Variants in TYW1B observed in about 807,000 individuals in gnomAD.
The protein encoded by TYW1B is tRNA-yW synthesizing protein 1 homolog B.
A neutral mutation model predicts 86.9 loss-of-function variants in TYW1B; 73 were observed. The observed-to-expected ratio is 0.84, with a 90% CI of 0.70 to 1.02. The LOEUF is 1.02. TYW1B is among the 50% of genes least tolerant of loss of function. The pLI is 0.00. For missense variants in TYW1B, 637 were observed against 827.4 expected (o/e 0.77, Z 2.82); for synonymous variants, 248 against 292.8 (o/e 0.85, Z 1.56).
chr7:72,729,055 A>C, intron 8 of TYW1B, 124 bp from the exon 9 acceptor site: 1 of 810,760 alleles, frequency 1.2e-6, no homozygotes, highest in Non-Finnish European at 2.0e-6. Flanking sequence ...CTCAGAGTTC[A>C]ACCACGTATA....
At chr7:72,703,014 A>ATTTTTTTTTTTTTTTT (rs1814516950) in intron 10 of TYW1B, among the ~76,000 whole-genome samples, 1 of 49,006 alleles carries the variant, frequency 2.0e-5, no homozygotes, top group Non-Finnish European at 4.5e-5. Flanking sequence ...ATATATATAT[A>ATTTTTTTTTTTTTTTT]TATATATATA....
At chr7:72,809,265 G>T (rs186719432) in intron 4 of TYW1B, among the ~76,000 whole-genome samples, 4 of 151,728 alleles carry the variant, frequency 2.6e-5, no homozygotes, top group African/African-American at 4.8e-5. Context: ...CGATGATCTC[G>T]ATCTCCTGAC....
At chr7:72,642,555 G>A (rs1812826398) in intron 11 of TYW1B, among the ~76,000 whole-genome samples, 2 of 152,246 alleles carry the variant, frequency 1.3e-5, no homozygotes, top group Non-Finnish European at 1.5e-5. Flanking sequence ...GCTGAAGAAC[G>A]GACAAAGAAA....
intron 11 of TYW1B, among the ~76,000 whole-genome samples, chr7:72,646,795 T>G (rs1812941864): frequency 6.6e-6 from 1 of 152,212 alleles, no homozygotes. Context: ...ATAGACAAAA[T>G]CAGAACTGTA....
At chr7:72,796,669 T>C (rs1246710155) in intron 6 of TYW1B, among the ~76,000 whole-genome samples, 1 of 150,784 alleles carries the variant, frequency 6.6e-6, no homozygotes, top group Non-Finnish European at 1.5e-5. Context: ...CAGGTGTCCA[T>C]AAGTCTCTGA....
intron 7 of TYW1B, among the ~76,000 whole-genome samples, chr7:72,763,033 T>C (rs1312000754): frequency 6.6e-6 from 1 of 152,060 alleles, no homozygotes; most frequent in Non-Finnish European, 1.5e-5. Context: ...ACTCTTTCTG[T>C]TTCTGATTAA....
At chr7:72,592,380 AAGG>A (rs1465837698) in intron 13 of TYW1B, among the ~76,000 whole-genome samples, 1 of 151,970 alleles carries the variant, frequency 6.6e-6, no homozygotes, top group African/African-American at 2.4e-5. Flanking sequence ...TTGTAAGCAC[AAGG>A]AGAATAGCTA....
At chr7:72,581,866 C>T (rs1252307977) in intron 13 of TYW1B, among the ~76,000 whole-genome samples, 2 of 152,174 alleles carry the variant, frequency 1.3e-5, no homozygotes, top group Non-Finnish European at 2.9e-5. Flanking sequence ...ATCCCAGGTA[C>T]AAGAGATTCT....
intron 2 of TYW1B, among the ~76,000 whole-genome samples, chr7:72,817,855 T>C (rs141712512): frequency 2.0e-5 from 3 of 152,086 alleles, no homozygotes; most frequent in Non-Finnish European, 4.4e-5. Flanking sequence ...AAATGAAGAA[T>C]TGGCTCATGG....
intron 13 of TYW1B, among the ~76,000 whole-genome samples, chr7:72,609,519 A>G (rs1165716929): frequency 1.3e-5 from 2 of 152,090 alleles, no homozygotes; most frequent in Non-Finnish European, 2.9e-5. Flanking sequence ...TGTTCACACC[A>G]CTGCACTCCA....
At chr7:72,729,738 C>T (rs186700890) in intron 8 of TYW1B, among the ~76,000 whole-genome samples, 1 of 152,222 alleles carries the variant, frequency 6.6e-6, no homozygotes, top group Admixed American at 6.5e-5. Flanking sequence ...GCAGAACTAC[C>T]GTGTGCCCTA....
At chr7:72,797,393 G>A (rs1554474642) in intron 6 of TYW1B, among the ~76,000 whole-genome samples, 1 of 152,156 alleles carries the variant, frequency 6.6e-6, no homozygotes, top group Non-Finnish European at 1.5e-5. Flanking sequence ...ACACACTGAT[G>A]TGCCTGGATT....
At chr7:72,749,082 T>G (rs1380657727) in intron 7 of TYW1B, among the ~76,000 whole-genome samples, 1 of 152,196 alleles carries the variant, frequency 6.6e-6, no homozygotes, top group Non-Finnish European at 1.5e-5. Flanking sequence ...GGGGAGGCTT[T>G]TAATTACAAA....
intron 11 of TYW1B, among the ~76,000 whole-genome samples, chr7:72,670,182 CAG>C (rs1271363286): frequency 1.3e-5 from 2 of 152,074 alleles, no homozygotes; most frequent in Non-Finnish European, 2.9e-5. Flanking sequence ...GCAATGTATT[CAG>C]AGTTTTCATG....
chr7:72,666,141 T>C (rs35029670), intron 11 of TYW1B, among the ~76,000 whole-genome samples: 1 of 152,116 alleles, frequency 6.6e-6, no homozygotes, highest in Non-Finnish European at 1.5e-5. Flanking sequence ...AGGCCAGGCA[T>C]GGTGGCTCAC....
intron 11 of TYW1B, among the ~76,000 whole-genome samples, chr7:72,667,048 A>AAAAAAAAAAAAAAAAG (rs60588106): frequency 1.5e-5 from 2 of 131,370 alleles, no homozygotes; most frequent in African/African-American, 6.3e-5. Flanking sequence ...AAAAAAAAAA[A>AAAAAAAAAAAAAAAAG]AAAGAAACTA....
At chr7:72,653,999 G>T (rs1269421375) in intron 11 of TYW1B, among the ~76,000 whole-genome samples, 1 of 149,994 alleles carries the variant, frequency 6.7e-6, no homozygotes. Context: ...AGAATCACAT[G>T]AACCCAGGAG....
chr7:72,730,930 CAAAA>C (rs71071907), intron 8 of TYW1B, among the ~76,000 whole-genome samples: 2 of 112,338 alleles, frequency 1.8e-5, no homozygotes, highest in Non-Finnish European at 3.8e-5. Flanking sequence ...GATTAAATGC[CAAAA>C]AAAAAAAAAA....
intron 12 of TYW1B, among the ~76,000 whole-genome samples, chr7:72,623,737 T>C (rs1233096953): frequency 1.3e-5 from 2 of 152,316 alleles, no homozygotes; most frequent in East Asian, 1.9e-4. Flanking sequence ...GGTTATAGCC[T>C]GCCATATTGC....
Sources: gnomAD v4.1 joint callset for allele counts (sites outside exome capture counted in the v4.1 genomes callset) on GRCh38, gnomAD v4.1.1 for gene constraint, MANE v1.5 for transcripts, NCBI Gene and HGNC (gene_info 2026-07-23, HGNC 2026-07-21) for gene names.